Variants in ACP7 observed in about 807,000 individuals in gnomAD.
The protein encoded by ACP7 is acid phosphatase 7, tartrate resistant (putative).
In ACP7, 58 loss-of-function variants were observed where a neutral mutation model predicts 60.6. The ratio of observed to expected loss-of-function variants is 0.96; its 90% CI spans 0.77 to 1.19. The LOEUF is 1.19. Among genes scored for constraint, ACP7 ranks in the 50% most tolerant of loss-of-function variants. ACP7 has a pLI of 0.00. For missense variants in ACP7, 574 were observed against 596.2 expected (o/e 0.96, Z 0.39); for synonymous variants, 237 against 232.6 (o/e 1.02, Z -0.17).
At position 39,098,738 on chromosome 19, in the gene ACP7, G is replaced by A. The variant is rs1474934565; in HGVS notation, c.322+80G>A. 6.2e-6 allele frequency: 9 copies of A among 1,462,796 alleles called. No homozygotes were observed. In the East Asian group the frequency reaches 1.9e-4, roughly 30 times the overall value. 90.6% of individuals were successfully genotyped at this position (1,462,796 alleles called of 1,614,324 possible). Reference sequence around the variant, plus strand: ...GCAGACTAGAAGCTACCACTGGCCGGTGGCTCAGGCTGGGCTGGTAACTCC... The same window carrying A: ...GCAGACTAGAAGCTACCACTGGCCGATGGCTCAGGCTGGGCTGGTAACTCC... On this transcript the variant is annotated intron_variant, in intron 3 of 12. Transcript: ENST00000331256.
intron 12 of ACP7, among the ~76,000 whole-genome samples, chr19:39,108,785 G>C (rs2073438317): frequency 6.6e-6 from 1 of 152,094 alleles, no homozygotes; most frequent in Non-Finnish European, 1.5e-5. Flanking sequence ...CTGCATACCA[G>C]GCACTGCCTA....
In ACP7 at chr19:39,098,505, C is replaced by A. The variant is rs769489647; in HGVS notation, c.169C>A (p.Arg57Ser). The A allele has an allele frequency of 1.9e-6, 3 of 1,606,634 alleles. No individual in the cohort carries two copies. Among genetic ancestry groups the A allele is most frequent in the East Asian group, 2.2e-5 (1 of 44,784 alleles). Residue 57 changes from arginine to serine, a missense_variant, in exon 3 of 13, where the codon CGC becomes AGC. Coordinates refer to ENST00000331256, the MANE Select transcript of ACP7 (RefSeq NM_001004318.3). ...TVTWTTWVPTRSEVQFGLQPS... is the reference protein window; with the variant it reads ...TVTWTTWVPTSSEVQFGLQPS... The stretch of plus-strand genomic sequence containing the variant: ...AACTTGGACCACATGGGTCCCAACC[C>A]GCTCTGAAGTGCAATTCGGGTTGCA...
chr19:39,100,549 A>C (rs1423423409), intron 5 of ACP7, 31 bp from the exon 6 acceptor site: 2 of 1,611,552 alleles, frequency 1.2e-6, no homozygotes, highest in Non-Finnish European at 8.5e-7. Context: ...TCAGTCCTTC[A>C]CCTCCATCCC....
Position 39,098,671 on chromosome 19 carries a change from C to G in ACP7, c.322+13C>G, listed in dbSNP as rs749168349. 236 of 1,598,534 alleles carry G rather than the reference C, an allele frequency of 1.5e-4. No individual in the cohort carries two copies. Among genetic ancestry groups the G allele is most frequent in the Non-Finnish European group, 1.9e-4 (228 of 1,171,592 alleles). On this transcript the variant is annotated intron_variant, in intron 3 of 12. Coordinates refer to ENST00000331256, the MANE Select transcript of ACP7 (RefSeq NM_001004318.3). ...GGGGTTCAGTATGGTGAGAGGGGCC[C>G]CAGGCTGAGCTGTTGAGGAGGAGTG... is the stretch of plus-strand genomic sequence containing the variant.
At chr19:39,090,793 T>TC (rs1253393687) in intron 2 of ACP7, among the ~76,000 whole-genome samples, 1 of 149,300 alleles carries the variant, frequency 6.7e-6, no homozygotes, top group Non-Finnish European at 1.5e-5. Context: ...CCCACTTCTT[T>TC]TTTTTTTTTT....
upstream of ACP7, chr19:39,083,853 G>A (rs900935887): frequency 5.3e-5 from 8 of 152,300 alleles, no homozygotes; most frequent in African/African-American, 1.9e-4. Context: ...CGGGATTCTG[G>A]TTTTGTTTTG....
intron 12 of ACP7, among the ~76,000 whole-genome samples, chr19:39,109,114 A>G (rs1032656682): frequency 6.6e-6 from 1 of 152,084 alleles, no homozygotes; most frequent in Non-Finnish European, 1.5e-5. Flanking sequence ...GAGCCACCGC[A>G]TGCGGCCCCA....
chr19:39,107,608 A>G (rs1417833414), intron 12 of ACP7, among the ~76,000 whole-genome samples: 1 of 144,212 alleles, frequency 6.9e-6, no homozygotes, highest in Middle Eastern at 3.5e-3. Flanking sequence ...AAATTAGGCC[A>G]GGTGCGGTGG....
upstream of ACP7, chr19:39,083,874 G>A (rs1245321221): frequency 2.0e-5 from 3 of 152,328 alleles, no homozygotes; most frequent in African/African-American, 4.8e-5. Context: ...AGGTTGCCCC[G>A]GGCTTCTGAG....
At chr19:39,084,317 A>T (rs1369244941), upstream of ACP7, 1 of 152,244 alleles carries the variant, frequency 6.6e-6, no homozygotes, top group Non-Finnish European at 1.5e-5. Flanking sequence ...AGGCGGCAAG[A>T]GGCCTCGGCA....
chr19:39,093,200 T>C (rs2073228680), intron 2 of ACP7, among the ~76,000 whole-genome samples: 2 of 103,826 alleles, frequency 1.9e-5, no homozygotes, highest in Non-Finnish European at 2.1e-5. Flanking sequence ...CTTTCTTTGT[T>C]TCTTTCTTTC....
chr19:39,100,602 C>A lies in ACP7; in HGVS notation c.652C>A (p.Arg218Ser). The A allele has an allele frequency of 1.2e-5, 19 of 1,613,984 alleles. No homozygotes were observed. Among genetic ancestry groups the A allele is most frequent in the Non-Finnish European group, 1.5e-5 (18 of 1,179,960 alleles). Residue 218 changes from arginine to serine, a missense_variant, in exon 6 of 13, where the codon CGC becomes AGC. Physicochemically the swap from Arg to Ser is moderately radical, Grantham distance 110. Transcript: ENST00000331256. ...ERYNFSNYKA[R>S]FSMPGDNEGL... Reference sequence around the variant, plus strand: ...CAGCAACTTCTCTAACTACAAGGCTCGCTTCAGCATGCCGGGGGATAATGA... The same window carrying A: ...CAGCAACTTCTCTAACTACAAGGCTAGCTTCAGCATGCCGGGGGATAATGA...
intron 2 of ACP7, among the ~76,000 whole-genome samples, chr19:39,095,778 C>T (rs1409803291): frequency 6.6e-6 from 1 of 152,236 alleles, no homozygotes; most frequent in Non-Finnish European, 1.5e-5. Context: ...TCAGGCGTTT[C>T]CATACATCTT....
chr19:39,089,938 A>G (rs1248763801), intron 2 of ACP7, among the ~76,000 whole-genome samples: 2 of 152,180 alleles, frequency 1.3e-5, no homozygotes, highest in Non-Finnish European at 1.5e-5. Context: ...TCTCCACTAT[A>G]AAGTAATTAT....
intron 2 of ACP7, among the ~76,000 whole-genome samples, chr19:39,086,210 C>G (rs1432135101): frequency 6.6e-6 from 1 of 152,100 alleles, no homozygotes; most frequent in Non-Finnish European, 1.5e-5. Flanking sequence ...CACCTATAGT[C>G]CCAGCTACTT....
intron 2 of ACP7, among the ~76,000 whole-genome samples, chr19:39,087,563 C>A (rs557807957): frequency 2.0e-5 from 3 of 151,312 alleles, no homozygotes; most frequent in Admixed American, 1.3e-4. Flanking sequence ...GAGACTCAAG[C>A]GATCCTCCCA....
chr19:39,102,124 A>T (rs1307201127), intron 11 of ACP7, among the ~76,000 whole-genome samples: 3 of 147,698 alleles, frequency 2.0e-5, no homozygotes, highest in African/African-American at 7.6e-5. Context: ...TTTCTCTCAC[A>T]CACACACACA....
At chr19:39,093,616 T>C (rs2073235258) in intron 2 of ACP7, among the ~76,000 whole-genome samples, 2 of 151,964 alleles carry the variant, frequency 1.3e-5, no homozygotes, top group African/African-American at 4.8e-5. Context: ...CTCAAACTCC[T>C]GGCCTCAAAG....
intron 3 of ACP7, 143 bp from the exon 4 acceptor site, chr19:39,098,817 C>A (rs1360985611): frequency 1.5e-6 from 2 of 1,364,502 alleles, no homozygotes; most frequent in Admixed American, 2.5e-5. Flanking sequence ...ACGGAAGGTG[C>A]CGGGGAAGGC....
Sources: gnomAD v4.1 joint callset for allele counts (sites outside exome capture counted in the v4.1 genomes callset) on GRCh38, gnomAD v4.1.1 for gene constraint, MANE v1.5 for transcripts, NCBI Gene and HGNC (gene_info 2026-07-23, HGNC 2026-07-21) for gene names.